Variants in SPINDOC observed in about 807,000 individuals in gnomAD.
The protein encoded by SPINDOC is spindlin interactor and repressor of chromatin-binding protein.
A neutral mutation model predicts 30.7 loss-of-function variants in SPINDOC; 13 were observed. The observed-to-expected ratio is 0.42, with a 90% confidence interval of 0.28 to 0.67. The LOEUF is 0.67. Ranked by LOEUF, SPINDOC falls within the 30% of genes least tolerant of loss-of-function variation. The pLI is 0.22. For synonymous variants in SPINDOC, 228 were observed against 211.4 expected, an observed-to-expected ratio of 1.08 and a Z score of -0.68; for missense variants, 438 against 518.0, an observed-to-expected ratio of 0.85 and a Z score of 1.50.
chr11:63,816,605 C>T (rs779462915), intron 1 of SPINDOC, among the ~76,000 whole-genome samples: 2 of 152,066 alleles, frequency 1.3e-5, no homozygotes, highest in Non-Finnish European at 2.9e-5. Context: ...ATTAGGGCCT[C>T]CTGTGTTTTA....
chr11:63,825,531 A>C (rs1157909344), intron 5 of SPINDOC, among the ~76,000 whole-genome samples: 1 of 152,138 alleles, frequency 6.6e-6, no homozygotes, highest in Non-Finnish European at 1.5e-5. Context: ...TAGCTCTGAT[A>C]AATAGAATGT....
intron 5 of SPINDOC, among the ~76,000 whole-genome samples, chr11:63,820,467 G>A (rs373742982): frequency 6.6e-6 from 1 of 151,336 alleles, no homozygotes; most frequent in Admixed American, 6.6e-5. Context: ...TTGTATAGAA[G>A]GGCAGATGTC....
At position 63,822,954 on chromosome 11, in the gene SPINDOC, G is replaced by A. The variant is rs2015567551; in HGVS notation, c.934+3952G>A. On this transcript the variant is annotated intron_variant, in intron 5 of 5. Transcript: ENST00000294244. The stretch of plus-strand genomic sequence containing the variant: ...GCAGGCTGCTTGAGTGATCTGAGGG[G>A]GCGGAGGCAATTGTAGGGTGTTGTC... 1.3e-5 allele frequency: 16 copies of A among 1,192,270 alleles called. No individual in the cohort carries two copies. The Middle Eastern group carries it at 9.1e-4, about 68-fold the overall frequency. 73.9% of individuals were successfully genotyped at this position (1,192,270 alleles called of 1,614,324 possible).
chr11:63,827,317 C>A lies in SPINDOC; in HGVS notation c.*178C>A. 3.2e-6 allele frequency: 4 copies of A among 1,232,990 alleles called. No individual in the cohort carries two copies. The highest frequency in any genetic ancestry group is 4.4e-6 in the Non-Finnish European group (4 of 900,604). The allele number at this position is 1,232,990 out of a possible 1,614,324, so 76.4% of individuals were successfully genotyped here. A position where few individuals can be genotyped will look rare whatever the true frequency, so the allele number is the denominator to read the frequency against. ...GCACTGGAAAGTGTCTGTTCCTGGC[C>A]AGGCCTGAGGTCGGCGAGGGTGGCT... On this transcript the variant is annotated 3_prime_UTR_variant, in exon 6 of 6. Coordinates refer to ENST00000294244, the MANE Select transcript of SPINDOC (RefSeq NM_138471.3).
At chr11:63,817,778 T>C in intron 1 of SPINDOC, 27 bp from the exon 2 acceptor site, 4 of 1,520,690 alleles carry the variant, frequency 2.6e-6, no homozygotes, top group Non-Finnish European at 3.5e-6. Context: ...CCTTTAGTGA[T>C]AACACCCTCC....
intron 5 of SPINDOC, chr11:63,822,458 G>C (rs1345345571): frequency 2.0e-6 from 1 of 501,086 alleles, no homozygotes; most frequent in African/African-American, 2.0e-5. Flanking sequence ...TTTTCTTTGT[G>C]TTCACTGCTA....
intron 1 of SPINDOC, among the ~76,000 whole-genome samples, chr11:63,816,651 A>T (rs1274218038): frequency 2.0e-5 from 3 of 152,124 alleles, no homozygotes; most frequent in Admixed American, 2.0e-4. Flanking sequence ...TAGGAGGGAG[A>T]TGCAGCCGTG....
intron 5 of SPINDOC, chr11:63,823,170 A>T: frequency 1.6e-6 from 2 of 1,289,022 alleles, no homozygotes; most frequent in Non-Finnish European, 2.0e-6. Context: ...TTTAAAAACC[A>T]GGGGCCCCCG....
chr11:63,825,399 C>T (rs2015631240), intron 5 of SPINDOC, among the ~76,000 whole-genome samples: 1 of 152,226 alleles, frequency 6.6e-6, no homozygotes, highest in South Asian at 2.1e-4. Context: ...CCCTCTGTGT[C>T]TGTGGTCCCC....
intron 5 of SPINDOC, among the ~76,000 whole-genome samples, chr11:63,822,356 T>TAAAAAAAAAAAAAA (rs753315518): frequency 4.9e-4 from 29 of 58,762 alleles, no homozygotes; most frequent in Non-Finnish European, 6.3e-4. Flanking sequence ...CTAGACTGTC[T>TAAAAAAAAAAAAAA]AAAAAAAAAA....
intron 1 of SPINDOC, 56 bp downstream of exon 1, chr11:63,813,869 C>T: frequency 7.0e-7 from 1 of 1,431,564 alleles, no homozygotes; most frequent in Non-Finnish European, 9.2e-7. Context: ...GGGCTGGGGC[C>T]GTCCCTCCCC....
intron 5 of SPINDOC, among the ~76,000 whole-genome samples, chr11:63,826,646 G>A (rs960311147): frequency 6.6e-6 from 1 of 152,180 alleles, no homozygotes; most frequent in Non-Finnish European, 1.5e-5. Flanking sequence ...ACGAGCACCA[G>A]GCGTCCCTGT....
intron 1 of SPINDOC, 86 bp from the exon 2 acceptor site, chr11:63,817,719 C>T (rs373704641): frequency 7.9e-7 from 1 of 1,271,692 alleles, no homozygotes; most frequent in South Asian, 1.5e-5. Flanking sequence ...CCCCATCCCA[C>T]TCAAACCACT....
In SPINDOC at chr11:63,818,503, G is replaced by T; in HGVS notation, c.608-24G>T. 6.2e-7 allele frequency: 1 copy of T among 1,609,980 alleles called. No individual in the cohort carries two copies. Among genetic ancestry groups the T allele is most frequent in the Non-Finnish European group, 8.5e-7 (1 of 1,179,742 alleles). ...GTTCGGGGATGGCCTCTTTAAAAGG[G>T]TATGAGGTCTTTTCTTTTTGCAGCT... On this transcript the variant is annotated intron_variant, in intron 3 of 5. Transcript: ENST00000294244. The surrounding 1 kb of genome is among the most constrained non-coding windows in gnomAD (Gnocchi z 5.3).
intron 5 of SPINDOC, chr11:63,822,777 T>G (rs1422923016): frequency 7.8e-7 from 1 of 1,289,058 alleles, no homozygotes; most frequent in Non-Finnish European, 1.0e-6. Context: ...GTCTTCTGAT[T>G]TCATTCTCGA....
intron 5 of SPINDOC, among the ~76,000 whole-genome samples, chr11:63,824,144 G>T (rs532831736): frequency 6.1e-5 from 9 of 148,286 alleles, no homozygotes; most frequent in Admixed American, 1.3e-4. Flanking sequence ...TCCTGACCTC[G>T]GGTGATCCGC....
At chr11:63,813,865 G>A (rs1336200051) in intron 1 of SPINDOC, 52 bp downstream of exon 1, 1 of 1,445,824 alleles carries the variant, frequency 6.9e-7, no homozygotes. Flanking sequence ...GCCGGGGCTG[G>A]GGCCGTCCCT....
In SPINDOC at chr11:63,826,565, G is replaced by A. The variant is rs143698694; in HGVS notation, c.935-363G>A. Reference sequence around the variant, plus strand: ...CCTCTGCCCCACTCAGGCAGAACCCGTTAGGCTAGGATGCCCAGTAAGTTT... The same window carrying A: ...CCTCTGCCCCACTCAGGCAGAACCCATTAGGCTAGGATGCCCAGTAAGTTT... On this transcript the variant is annotated intron_variant, in intron 5 of 5. Coordinates refer to ENST00000294244, the MANE Select transcript of SPINDOC (RefSeq NM_138471.3). Among the ~76,000 whole-genome samples, 296 of 152,268 alleles carry A rather than the reference G, an allele frequency of 1.9e-3. 1 individual carries two copies. The highest frequency in any genetic ancestry group is 6.5e-3 in the African/African-American group (269 of 41,558).
Position 63,823,191 on chromosome 11 carries a change from T to C in SPINDOC, c.935-3737T>C, listed in dbSNP as rs1413586794. The C allele has an allele frequency of 2.3e-6, 3 of 1,289,146 alleles. No homozygotes were observed. In the South Asian group the frequency reaches 3.7e-5, roughly 16 times the overall value. The allele number at this position is 1,289,146 out of a possible 1,614,324, so 79.9% of individuals were successfully genotyped here. A position where few individuals can be genotyped will look rare whatever the true frequency, so the allele number is the denominator to read the frequency against. ...AACCAGGGGCCCCCGTGGCGGTTCT[T>C]TGCGGAGCAGAGGCTCTGGACCTGT... On this transcript the variant is annotated intron_variant, in intron 5 of 5. Coordinates refer to ENST00000294244, the MANE Select transcript of SPINDOC (RefSeq NM_138471.3).
Sources: gnomAD v4.1 joint callset for allele counts (sites outside exome capture counted in the v4.1 genomes callset) on GRCh38, gnomAD v4.1.1 for gene constraint, Gnocchi (gnomAD v3.1) non-coding constraint, MANE v1.5 for transcripts, NCBI Gene and HGNC (gene_info 2026-07-23, HGNC 2026-07-21) for gene names.